Variants in CADM2 observed in about 807,000 individuals in gnomAD.
CADM2 encodes immunoglobulin superfamily member 4D.
Under a neutral mutation model 49.8 loss-of-function variants are expected in CADM2, and 12 were observed. The observed-to-expected ratio is 0.24, with a 90% CI of 0.15 to 0.39. The LOEUF (loss-of-function observed/expected upper bound fraction) is 0.39, where lower values mean the gene tolerates loss of function less well. CADM2 is among the 10% of genes least tolerant of loss of function. CADM2 has a pLI of 1.00. For missense variants in CADM2, 378 were observed against 492.3 expected (o/e 0.77, Z 2.20); for synonymous variants, 214 against 175.4 (o/e 1.22, Z -1.74).
chr3:85,956,868 T>C (rs909117127), intron 7 of CADM2, among the ~76,000 whole-genome samples: 5 of 151,614 alleles, frequency 3.3e-5, no homozygotes, highest in Non-Finnish European at 5.9e-5. Flanking sequence ...GGGGGTAATT[T>C]TGAGTATACG....
chr3:84,974,919 C>T (rs1218208041), intron 1 of CADM2, among the ~76,000 whole-genome samples: 1 of 151,762 alleles, frequency 6.6e-6, no homozygotes, highest in Admixed American at 6.6e-5. Flanking sequence ...AAAATGATAA[C>T]ATTTTTGTAC....
At chr3:86,040,226 G>A (rs73136124) in intron 8 of CADM2, among the ~76,000 whole-genome samples, 1 of 152,258 alleles carries the variant, frequency 6.6e-6, no homozygotes, top group Non-Finnish European at 1.5e-5. Flanking sequence ...GAACAAAGTA[G>A]GACAGAGAAT....
intron 7 of CADM2, among the ~76,000 whole-genome samples, chr3:85,957,710 C>CCA (rs1724229139): frequency 6.6e-6 from 1 of 151,866 alleles, no homozygotes; most frequent in African/African-American, 2.4e-5. Flanking sequence ...TTCTGACCAA[C>CCA]TGCCTACAAA....
At chr3:86,046,318 C>T (rs1010346803) in intron 8 of CADM2, among the ~76,000 whole-genome samples, 2 of 151,984 alleles carry the variant, frequency 1.3e-5, no homozygotes, top group Non-Finnish European at 2.9e-5. Context: ...TTTAAAAACA[C>T]GTAGTATCTA....
chr3:85,307,342 A>G (rs1028266937), intron 1 of CADM2, among the ~76,000 whole-genome samples: 4 of 151,620 alleles, frequency 2.6e-5, no homozygotes, highest in African/African-American at 9.7e-5. Flanking sequence ...AATATCAAAG[A>G]GCTGTTATAC....
chr3:85,285,782 T>G (rs551929469), intron 1 of CADM2, among the ~76,000 whole-genome samples: 1 of 151,628 alleles, frequency 6.6e-6, no homozygotes, highest in South Asian at 2.1e-4. Flanking sequence ...AATGTATTTA[T>G]ATTTTAATCT....
chr3:85,869,081 T>C (rs2108347083), intron 3 of CADM2, among the ~76,000 whole-genome samples: 1 of 152,302 alleles, frequency 6.6e-6, no homozygotes. Flanking sequence ...ATGATATCCC[T>C]TTTATGATAA....
chr3:85,688,522 A>C (rs1169070875), intron 1 of CADM2, among the ~76,000 whole-genome samples: 1 of 151,908 alleles, frequency 6.6e-6, no homozygotes, highest in Non-Finnish European at 1.5e-5. Flanking sequence ...GCAAAATGCT[A>C]TAACCACCTT....
chr3:85,757,321 A>G (rs1297502313), intron 2 of CADM2, among the ~76,000 whole-genome samples: 1 of 152,160 alleles, frequency 6.6e-6, no homozygotes, highest in African/African-American at 2.4e-5. Flanking sequence ...TTGAACACCT[A>G]CATTACGAAA....
intron 1 of CADM2, among the ~76,000 whole-genome samples, chr3:85,290,266 C>T (rs1023935400): frequency 9.9e-5 from 15 of 152,280 alleles, no homozygotes; most frequent in African/African-American, 2.9e-4. Flanking sequence ...GATTATATCC[C>T]GCACCTGGCT....
chr3:85,055,188 G>A (rs1239271076), intron 1 of CADM2, among the ~76,000 whole-genome samples: 1 of 151,922 alleles, frequency 6.6e-6, no homozygotes, highest in African/African-American at 2.4e-5. Context: ...AGCTATGCAA[G>A]GTTTGGATAA....
intron 6 of CADM2, among the ~76,000 whole-genome samples, chr3:85,935,112 G>C (rs1473672321): frequency 6.6e-6 from 1 of 151,892 alleles, no homozygotes; most frequent in East Asian, 1.9e-4. Context: ...TTCTCACTAG[G>C]GATGATTTAT....
intron 1 of CADM2, among the ~76,000 whole-genome samples, chr3:85,258,029 T>C (rs1029113638): frequency 2.0e-5 from 3 of 152,100 alleles, no homozygotes; most frequent in Admixed American, 6.6e-5. Flanking sequence ...CACAAATGTA[T>C]GTGGAAATGT....
intron 1 of CADM2, among the ~76,000 whole-genome samples, chr3:85,716,818 C>G (rs1022270373): frequency 1.2e-4 from 18 of 152,030 alleles, no homozygotes; most frequent in African/African-American, 4.3e-4. Context: ...ATGCATGGTG[C>G]AATTTCTGAG....
intron 1 of CADM2, among the ~76,000 whole-genome samples, chr3:85,162,172 A>G (rs2040347496): frequency 6.6e-6 from 1 of 152,162 alleles, no homozygotes. Context: ...CTTACATTCG[A>G]GGGTGTGGAT....
chr3:85,496,665 T>G (rs1381323289), intron 1 of CADM2, among the ~76,000 whole-genome samples: 1 of 152,178 alleles, frequency 6.6e-6, no homozygotes, highest in Non-Finnish European at 1.5e-5. Context: ...ACCAACAGCG[T>G]ATAACCATTC....
chr3:85,888,758 A>T (rs1282203567), intron 5 of CADM2, among the ~76,000 whole-genome samples: 1 of 152,192 alleles, frequency 6.6e-6, no homozygotes, highest in Non-Finnish European at 1.5e-5. Flanking sequence ...ACTACGGCAC[A>T]AAGTAAATAT....
intron 1 of CADM2, among the ~76,000 whole-genome samples, chr3:85,045,276 C>T (rs908751364): frequency 1.3e-5 from 2 of 152,044 alleles, no homozygotes; most frequent in African/African-American, 4.8e-5. Context: ...TTGTGATAGA[C>T]CTAACCTGGC....
intron 7 of CADM2, among the ~76,000 whole-genome samples, chr3:85,944,190 G>A (rs1722338882): frequency 6.6e-6 from 1 of 152,004 alleles, no homozygotes; most frequent in Non-Finnish European, 1.5e-5. Flanking sequence ...GTTACGTAAT[G>A]GTAAAGGGAT....
Sources: allele counts gnomAD v4.1 joint callset (sites outside exome capture counted in the v4.1 genomes callset), GRCh38; gene constraint gnomAD v4.1.1; transcripts MANE v1.5; gene names NCBI Gene and HGNC (gene_info 2026-07-23, HGNC 2026-07-21).